The following MAST2 variants were observed in gnomAD, a reference collection of about 807,000 sequenced individuals.
MAST2 encodes the protein microtubule-associated serine/threonine-protein kinase 2.
In MAST2, 70 loss-of-function variants were observed where a neutral mutation model predicts 147.4. That is an observed-to-expected ratio of 0.47 (90% confidence interval 0.39 to 0.58). MAST2 has a LOEUF of 0.58. Ranked by LOEUF, MAST2 falls within the 20% of genes least tolerant of loss-of-function variation. The pLI, the probability that MAST2 is intolerant of heterozygous loss-of-function variation, is 0.00. For synonymous variants in MAST2, 869 were observed against 896.8 expected (o/e 0.97, Z 0.55); for missense variants, 2,080 against 2,302.3 (o/e 0.90, Z 1.98).
rs113721451 is a variant in MAST2, at chr1:45,804,187, G to A, written c.177+115G>A. On this transcript the variant is annotated intron_variant, in intron 1 of 28. Transcript: ENST00000361297. ...GAGGGGTGGGGTCTGAGTAGTTCGCGGGGAGGAGTGGGAGGTCTGGGGAGG... is the reference window on the plus strand; with the variant it reads ...GAGGGGTGGGGTCTGAGTAGTTCGCAGGGAGGAGTGGGAGGTCTGGGGAGG... 8.3e-6 allele frequency: 10 copies of A among 1,201,398 alleles called. No homozygotes were observed. In the East Asian group the frequency reaches 2.2e-4, roughly 27 times the overall value. The allele number at this position is 1,201,398 out of a possible 1,614,324, so 74.4% of individuals were successfully genotyped here. A position where few individuals can be genotyped will look rare whatever the true frequency, so the allele number is the denominator to read the frequency against.
At chr1:46,014,887 G>A (rs1292030713) in intron 10 of MAST2, among the ~76,000 whole-genome samples, 10 of 152,080 alleles carry the variant, frequency 6.6e-5, no homozygotes, top group East Asian at 5.8e-4. Context: ...TTTCAGCACC[G>A]CATCACACCT....
intron 4 of MAST2, among the ~76,000 whole-genome samples, chr1:45,923,606 G>A (rs1009634653): frequency 6.6e-6 from 1 of 152,152 alleles, no homozygotes; most frequent in Non-Finnish European, 1.5e-5. Context: ...TGTATAAGTG[G>A]CAGAACTGGG....
chr1:45,855,378 C>T (rs963908111), intron 3 of MAST2, among the ~76,000 whole-genome samples: 3 of 151,142 alleles, frequency 2.0e-5, no homozygotes, highest in Admixed American at 2.0e-4. Flanking sequence ...AATAGTGTGT[C>T]TCTGCATTTA....
At chr1:45,911,853 ATATTATTAT>A (rs10595888) in intron 4 of MAST2, among the ~76,000 whole-genome samples, 4,702 of 135,744 alleles carry the variant, frequency 0.035, 160 homozygotes, top group African/African-American at 0.093. Context: ...TATTATTGTT[ATATTATTAT>A]TATTATTATT....
intron 1 of MAST2, among the ~76,000 whole-genome samples, chr1:45,822,964 C>G (rs895169035): frequency 1.3e-5 from 2 of 152,168 alleles, no homozygotes; most frequent in Admixed American, 1.3e-4. Context: ...GGTGCCTGGA[C>G]ACATCAATTG....
intron 1 of MAST2, among the ~76,000 whole-genome samples, chr1:45,816,204 G>GGGGAGAGAGAGAGAGAAAGAGAGA (rs1644445953): frequency 1.8e-5 from 1 of 55,876 alleles, no homozygotes; most frequent in African/African-American, 6.1e-5. Context: ...TGGGGGTGGG[G>GGGGAGAGAGAGAGAGAAAGAGAGA]GGGAGAGAGA....
intron 4 of MAST2, among the ~76,000 whole-genome samples, chr1:45,949,734 A>G (rs542591222): frequency 6.6e-6 from 1 of 152,328 alleles, no homozygotes; most frequent in African/African-American, 2.4e-5. Context: ...ACCCAGAGGA[A>G]TATAAATCAT....
intron 3 of MAST2, among the ~76,000 whole-genome samples, chr1:45,832,392 C>T (rs1570281992): frequency 6.6e-6 from 1 of 151,678 alleles, no homozygotes; most frequent in East Asian, 1.9e-4. Flanking sequence ...CCTCTGCTTC[C>T]TGGGTTCAAG....
intron 2 of MAST2, among the ~76,000 whole-genome samples, chr1:45,827,823 T>C (rs1240528431): frequency 6.6e-6 from 1 of 152,122 alleles, no homozygotes; most frequent in Non-Finnish European, 1.5e-5. Flanking sequence ...AAGTGAAGTC[T>C]TTCCTTTTTT....
intron 4 of MAST2, among the ~76,000 whole-genome samples, chr1:45,911,502 T>G (rs1248633275): frequency 6.6e-6 from 1 of 152,156 alleles, no homozygotes; most frequent in East Asian, 1.9e-4. Context: ...AAATTTCTAC[T>G]GAAAGGTAAA....
chr1:45,962,888 T>C (rs1660638041), intron 5 of MAST2, among the ~76,000 whole-genome samples: 1 of 152,262 alleles, frequency 6.6e-6, no homozygotes, highest in South Asian at 2.1e-4. Context: ...AGGGTTTTTA[T>C]GGTTTTAGGT....
intron 21 of MAST2, 26 bp from the exon 22 acceptor site, chr1:46,030,580 TC>T: frequency 6.3e-7 from 1 of 1,578,322 alleles, no homozygotes; most frequent in Non-Finnish European, 8.6e-7. Flanking sequence ...CCAGAGCCCA[TC>T]CCCAGCGCAT....
At chr1:45,994,570 C>T (rs548062062) in intron 5 of MAST2, among the ~76,000 whole-genome samples, 1 of 152,054 alleles carries the variant, frequency 6.6e-6, no homozygotes, top group South Asian at 2.1e-4. Context: ...AGTGCTAGCA[C>T]TCCCTGGTGC....
At chr1:45,846,809 T>C (rs12739439) in intron 3 of MAST2, among the ~76,000 whole-genome samples, 67,542 of 151,098 alleles carry the variant, frequency 0.45, 15,279 homozygotes, top group East Asian at 0.62. Context: ...CAGGTGACAG[T>C]GCAAGACTCC....
intron 4 of MAST2, among the ~76,000 whole-genome samples, chr1:45,922,237 C>T (rs1653625867): frequency 6.6e-6 from 1 of 152,214 alleles, no homozygotes; most frequent in African/African-American, 2.4e-5. Flanking sequence ...GGGAAAAGCA[C>T]CACAAGTTGC....
intron 3 of MAST2, among the ~76,000 whole-genome samples, chr1:45,842,078 G>A (rs963339785): frequency 1.3e-4 from 20 of 152,212 alleles, no homozygotes; most frequent in African/African-American, 4.8e-4. Context: ...CTGCTTGATT[G>A]CCACTAGGTG....
At chr1:45,885,642 G>GT (rs1031610519) in intron 4 of MAST2, among the ~76,000 whole-genome samples, 13 of 152,120 alleles carry the variant, frequency 8.5e-5, no homozygotes, top group Non-Finnish European at 1.6e-4. Flanking sequence ...CTTACTAGAT[G>GT]TTTTTTGGTA....
chr1:45,816,947 G>T (rs759162346), intron 1 of MAST2, among the ~76,000 whole-genome samples: 3 of 152,286 alleles, frequency 2.0e-5, no homozygotes, highest in East Asian at 3.9e-4. Context: ...AAAGTGTTGG[G>T]ATTACAGGCG....
Position 46,031,544 on chromosome 1 carries a change from A to G in MAST2, c.3146A>G (p.Lys1049Arg). 6 of 1,614,092 alleles carry G rather than the reference A, an allele frequency of 3.7e-6. No individual in the cohort carries two copies. Among genetic ancestry groups the G allele is most frequent in the Non-Finnish European group, 5.1e-6 (6 of 1,179,920 alleles). The change falls in exon 24 of 29, where the codon AAG becomes AGG. Residue 1049 changes from lysine to arginine, a missense_variant. By Grantham distance (26) the Lys-to-Arg change is conservative (BLOSUM62 2). Around this residue, in one of 4 missense-constraint regions of MAST2, gnomAD observed 1,278 missense variants for 1,304.2 expected, o/e 0.98. Coordinates refer to ENST00000361297, the MANE Select transcript of MAST2 (RefSeq NM_015112.3). The surrounding 1 kb of genome is among the most constrained non-coding windows in gnomAD (Gnocchi z 4.1). ...RTARPVNKVI[K>R]SASATALSLL... ...GCTCGCCCTGTCAACAAAGTGATCA[A>G]GTCCGCCTCAGCCACAGCCCTCTCA... is the stretch of plus-strand genomic sequence containing the variant.
Sources: allele counts gnomAD v4.1 joint callset (sites outside exome capture counted in the v4.1 genomes callset), GRCh38; gene constraint gnomAD v4.1.1; regional missense constraint gnomAD v4.1.1; non-coding constraint Gnocchi (gnomAD v3.1); transcripts MANE v1.5; gene names NCBI Gene and HGNC (gene_info 2026-07-23, HGNC 2026-07-21).